The following P3H2 variants were observed in gnomAD, a reference collection of about 807,000 sequenced individuals.
P3H2 encodes the protein prolyl 3-hydroxylase 2.
P3H2 carries 80 observed loss-of-function variants against 87.0 expected under a neutral mutation model. That is an observed-to-expected ratio of 0.92 (90% confidence interval 0.77 to 1.11). P3H2 has a LOEUF of 1.11. P3H2 is among the 50% of genes least tolerant of loss of function. The pLI is 0.00. For missense variants in P3H2, 1,001 were observed against 923.9 expected (o/e 1.08, Z -1.08); for synonymous variants, 367 against 359.3 (o/e 1.02, Z -0.24).
chr3:190,051,438 A>G (rs1725979971), intron 1 of P3H2, among the ~76,000 whole-genome samples: 1 of 152,258 alleles, frequency 6.6e-6, no homozygotes, highest in African/African-American at 2.4e-5. Flanking sequence ...TTTTCATACT[A>G]GAGGCCATAG....
At chr3:190,105,299 G>C (rs1178255317) in intron 1 of P3H2, among the ~76,000 whole-genome samples, 1 of 152,118 alleles carries the variant, frequency 6.6e-6, no homozygotes, top group South Asian at 2.1e-4. Context: ...CTGTTATTTG[G>C]TCCTAGTGCT....
At chr3:189,977,590 T>TA (rs1322567519) in intron 8 of P3H2, among the ~76,000 whole-genome samples, 1 of 152,018 alleles carries the variant, frequency 6.6e-6, no homozygotes, top group East Asian at 1.9e-4. Context: ...TTCACAGCAA[T>TA]AAAAAAAGTA....
intron 1 of P3H2, 131 bp downstream of exon 1, chr3:190,120,121 C>T (rs1479192529): frequency 9.5e-6 from 10 of 1,057,040 alleles, no homozygotes; most frequent in Non-Finnish European, 1.1e-5. Flanking sequence ...TCTGGATTCA[C>T]AAACTGAGAC....
At chr3:190,030,002 C>CAAAAAAA in intron 1 of P3H2, among the ~76,000 whole-genome samples, 1 of 133,214 alleles carries the variant, frequency 7.5e-6, no homozygotes, top group Non-Finnish European at 1.6e-5. Context: ...AACTCCGTCT[C>CAAAAAAA]AAAAAAAAAA....
intron 8 of P3H2, among the ~76,000 whole-genome samples, chr3:189,980,995 G>A (rs1213220885): frequency 1.3e-5 from 2 of 152,236 alleles, no homozygotes; most frequent in Non-Finnish European, 2.9e-5. Context: ...AAGATGTGAT[G>A]AGCTTCTAGG....
intron 1 of P3H2, among the ~76,000 whole-genome samples, chr3:190,114,648 C>T (rs977401413): frequency 1.8e-4 from 27 of 152,104 alleles, no homozygotes; most frequent in African/African-American, 6.0e-4. Context: ...GCTAGATGAA[C>T]AATCTCTCAG....
chr3:190,070,108 A>G (rs1018115531), intron 1 of P3H2, among the ~76,000 whole-genome samples: 1 of 152,170 alleles, frequency 6.6e-6, no homozygotes, highest in Non-Finnish European at 1.5e-5. Flanking sequence ...ACAGAAAAAA[A>G]GGATAGTTCC....
chr3:190,116,160 T>C (rs1360061739), intron 1 of P3H2, among the ~76,000 whole-genome samples: 1 of 152,116 alleles, frequency 6.6e-6, no homozygotes. Flanking sequence ...CTTTTGGGAG[T>C]TGTAGATGGA....
At chr3:190,076,696 G>A (rs928032442) in intron 1 of P3H2, among the ~76,000 whole-genome samples, 5 of 152,214 alleles carry the variant, frequency 3.3e-5, no homozygotes, top group Non-Finnish European at 5.9e-5. Context: ...GACTCCTAGA[G>A]AAAGATGACA....
rs567202106 is a variant in P3H2 at position 189,975,707 on chromosome 3, T to G, written c.1325-1022A>C. On this transcript the variant is annotated intron_variant, in intron 8 of 14. Coordinates refer to ENST00000319332, the MANE Select transcript of P3H2 (RefSeq NM_018192.4). ...CAGAGGAAGAAGAGACAATTGAAAT[T>G]GATGTCTACTTTATAAAATAGATTA... Among the ~76,000 whole-genome samples, 3 of 152,288 alleles carry G rather than the reference T, an allele frequency of 2.0e-5. No homozygotes were observed. In the South Asian group the frequency reaches 6.2e-4, roughly 32 times the overall value.
intron 14 of P3H2, chr3:189,963,513 C>T (rs1358016662): frequency 5.2e-6 from 1 of 193,656 alleles, no homozygotes; most frequent in African/African-American, 2.3e-5. Flanking sequence ...GGTGCGATCT[C>T]GGCTTACTGC....
Position 189,994,158 on chromosome 3 carries a change from C to A in P3H2, c.759G>T (p.Gly253=). The A allele has an allele frequency of 6.2e-7, 1 of 1,613,582 alleles. No individual in the cohort carries two copies. Among genetic ancestry groups the A allele is most frequent in the African/African-American group, 1.3e-5 (1 of 75,010 alleles). The change falls in exon 3 of 15, where the codon GGG becomes GGT. Residue 253 remains glycine, a synonymous_variant. Transcript: ENST00000319332. The part of the protein sequence containing the change: ...EDTECRTLCE[G]PQRFEEYEYL... ...ACTCATATTCTTCAAATCTCTGAGG[C>A]CCCTCACATAGGGTCCGGCATTCTG...
chr3:190,070,885 C>A (rs1382579204), intron 1 of P3H2, among the ~76,000 whole-genome samples: 1 of 152,156 alleles, frequency 6.6e-6, no homozygotes, highest in Admixed American at 6.5e-5. Flanking sequence ...TTTTAGCTGA[C>A]CCGACCAGAA....
At chr3:190,096,104 A>C (rs975122492) in intron 1 of P3H2, among the ~76,000 whole-genome samples, 1 of 152,232 alleles carries the variant, frequency 6.6e-6, no homozygotes, top group Non-Finnish European at 1.5e-5. Flanking sequence ...TACACAGAGC[A>C]CAAACAGAAT....
chr3:190,107,978 AT>A (rs35778272), intron 1 of P3H2, among the ~76,000 whole-genome samples: 3,664 of 144,938 alleles, frequency 0.025, 136 homozygotes, highest in African/African-American at 0.083. Flanking sequence ...ATTTTTACTT[AT>A]TTTTTTTTTT....
In P3H2 at chr3:190,095,882, T is replaced by G. The variant is rs185900534; in HGVS notation, c.480+24370A>C. On this transcript the variant is annotated intron_variant, in intron 1 of 14. Transcript: ENST00000319332. ...CTCCCAAAGTGCTGGGATTACAGGC[T>G]TGAGCCACCGCGCCCGGCCAAAAAC... Among the ~76,000 whole-genome samples, 1,071 of 152,154 alleles carry G rather than the reference T, an allele frequency of 7.0e-3. 15 individuals are homozygous for G. The highest frequency in any genetic ancestry group is 0.023 in the African/African-American group (956 of 41,524).
chr3:190,069,180 C>T (rs892962197), intron 1 of P3H2, among the ~76,000 whole-genome samples: 10 of 152,078 alleles, frequency 6.6e-5, no homozygotes, highest in Admixed American at 2.0e-4. Flanking sequence ...AGCTCCAGAC[C>T]CTAGAGTGTC....
chr3:190,022,987 T>C (rs564786180), intron 1 of P3H2, among the ~76,000 whole-genome samples: 3,653 of 151,966 alleles, frequency 0.024, 63 homozygotes, highest in Non-Finnish European at 0.034. Flanking sequence ...CCACCACGCC[T>C]GGCTAATTTT....
intron 1 of P3H2, among the ~76,000 whole-genome samples, chr3:190,070,435 A>C (rs1198081631): frequency 6.6e-6 from 1 of 152,158 alleles, no homozygotes; most frequent in South Asian, 2.1e-4. Flanking sequence ...AGTCACAGGA[A>C]TATCAAGTCA....
Sources: gnomAD v4.1 joint callset for allele counts (sites outside exome capture counted in the v4.1 genomes callset) on GRCh38, gnomAD v4.1.1 for gene constraint, MANE v1.5 for transcripts, NCBI Gene and HGNC (gene_info 2026-07-23, HGNC 2026-07-21) for gene names.